SPICE1: variants seen among roughly 807,000 people sequenced by gnomAD.
SPICE1 encodes the protein spindle and centriole-associated protein 1.
A neutral mutation model predicts 102.7 loss-of-function variants in SPICE1; 75 were observed. That is an observed-to-expected ratio of 0.73 (90% CI 0.61 to 0.88). The LOEUF is 0.88. SPICE1 is among the 40% of genes least tolerant of loss of function. The pLI is 0.00. For missense variants in SPICE1, 979 were observed against 1,020.1 expected, an observed-to-expected ratio of 0.96 and a Z score of 0.55; for synonymous variants, 308 against 350.3, an observed-to-expected ratio of 0.88 and a Z score of 1.35.
At chr3:113,506,643 G>T (rs1206583907) in intron 1 of SPICE1, 38 bp from the exon 2 acceptor site, 1 of 1,471,580 alleles carries the variant, frequency 6.8e-7, no homozygotes, top group South Asian at 1.3e-5. Context: ...TAAAATACAA[G>T]AAAAAACAAT....
At chr3:113,453,321 T>C (rs1294113087) in intron 14 of SPICE1, 145 bp downstream of exon 14, 6 of 850,188 alleles carry the variant, frequency 7.1e-6, no homozygotes, top group South Asian at 5.7e-5. Flanking sequence ...CTTGGACCTA[T>C]TGTATTGAGG....
intron 7 of SPICE1, among the ~76,000 whole-genome samples, chr3:113,485,363 G>A (rs1043792655): frequency 6.6e-6 from 1 of 152,104 alleles, no homozygotes; most frequent in African/African-American, 2.4e-5. Context: ...GCAGCAATCT[G>A]AGATCAACCT....
chr3:113,502,796 G>A (rs1184614372), intron 3 of SPICE1, among the ~76,000 whole-genome samples: 1 of 151,910 alleles, frequency 6.6e-6, no homozygotes, highest in African/African-American at 2.4e-5. Flanking sequence ...GTAAGGAATG[G>A]GGGCTCAGAC....
intron 3 of SPICE1, among the ~76,000 whole-genome samples, chr3:113,500,665 T>A (rs1404200995): frequency 6.6e-6 from 1 of 152,192 alleles, no homozygotes; most frequent in Non-Finnish European, 1.5e-5. Context: ...TTAATAACTA[T>A]CCTATCTGGG....
chr3:113,502,404 G>A (rs1937025630), intron 3 of SPICE1, among the ~76,000 whole-genome samples: 1 of 152,100 alleles, frequency 6.6e-6, no homozygotes, highest in Admixed American at 6.6e-5. Flanking sequence ...GCCACGTGTT[G>A]TATTCCGCAT....
intron 2 of SPICE1, among the ~76,000 whole-genome samples, chr3:113,505,604 T>A (rs1406445338): frequency 6.6e-6 from 1 of 152,160 alleles, no homozygotes. Context: ...AAGTATCAGG[T>A]CACAAAAGAG....
intron 1 of SPICE1, among the ~76,000 whole-genome samples, chr3:113,511,914 A>G (rs1937229431): frequency 1.3e-5 from 2 of 152,246 alleles, no homozygotes; most frequent in South Asian, 4.1e-4. Flanking sequence ...CTGACTGTAA[A>G]GCACATGCTG....
At chr3:113,464,035 T>A (rs1352374540) in intron 11 of SPICE1, among the ~76,000 whole-genome samples, 1 of 151,210 alleles carries the variant, frequency 6.6e-6, no homozygotes, top group African/African-American at 2.4e-5. Context: ...GCCACTGCAC[T>A]CCAGCCTGGG....
intron 4 of SPICE1, among the ~76,000 whole-genome samples, chr3:113,497,707 C>CT (rs1165475734): frequency 0.052 from 4,767 of 91,338 alleles, 676 homozygotes; most frequent in African/African-American, 0.19. Flanking sequence ...AGAAAGAGAG[C>CT]TTTTTTTTTT....
chr3:113,452,968 A>T (rs1425341425), intron 14 of SPICE1, among the ~76,000 whole-genome samples: 1 of 152,104 alleles, frequency 6.6e-6, no homozygotes, highest in African/African-American at 2.4e-5. Flanking sequence ...ACAGAGCAAG[A>T]CTCCGTCTCA....
At chr3:113,460,489 T>C (rs1935906056) in intron 12 of SPICE1, 128 bp downstream of exon 12, 8 of 1,427,428 alleles carry the variant, frequency 5.6e-6, no homozygotes, top group Non-Finnish European at 7.3e-6. Flanking sequence ...GCAACTGTAG[T>C]AGTGACAATA....
intron 7 of SPICE1, 22 bp downstream of exon 7, chr3:113,488,923 T>A: frequency 6.9e-7 from 1 of 1,446,230 alleles, no homozygotes; most frequent in Non-Finnish European, 9.7e-7. Flanking sequence ...GAGTTGTAAA[T>A]ATTTATGCCA....
chr3:113,464,483 T>C (rs1936006334), intron 11 of SPICE1, among the ~76,000 whole-genome samples: 1 of 152,136 alleles, frequency 6.6e-6, no homozygotes, highest in South Asian at 2.1e-4. Flanking sequence ...CTCAAACTCC[T>C]GGCCTCAAGT....
chr3:113,501,946 G>T (rs1193748600), intron 3 of SPICE1, among the ~76,000 whole-genome samples: 2 of 152,144 alleles, frequency 1.3e-5, no homozygotes, highest in Non-Finnish European at 2.9e-5. Flanking sequence ...ACAAAAACTT[G>T]TACATGAATG....
rs1239376810 is a variant in SPICE1 at position 113,499,490 on chromosome 3, C to A, written c.240G>T (p.Gln80His). 1 of 1,613,216 alleles carries A rather than the reference C, an allele frequency of 6.2e-7. No individual in the cohort carries two copies. The highest frequency in any genetic ancestry group is 8.5e-7 in the Non-Finnish European group (1 of 1,179,792). ...TCTCAAGATTTAAAGTTTCTGGTTT[C>A]TGCTTCCTCCATTTTCTCTTCAAAG... ...EKALKRKWRK[Q>H]KPETLNLEKR... Residue 80 changes from glutamine (Q) to histidine (H), a missense_variant, in exon 4 of 18, where the codon CAG becomes CAT. Gln to His is a conservative substitution (Grantham distance 24). Transcript: ENST00000295872.
At chr3:113,450,078 T>C in intron 15 of SPICE1, 1 of 492,740 alleles carries the variant, frequency 2.0e-6, no homozygotes, top group South Asian at 2.4e-5. Context: ...TGAATCCCAT[T>C]TAGATGTACG....
intron 7 of SPICE1, among the ~76,000 whole-genome samples, chr3:113,481,624 G>A (rs560296856): frequency 6.6e-6 from 1 of 151,690 alleles, no homozygotes; most frequent in African/African-American, 2.4e-5. Flanking sequence ...GTGTCCGTGT[G>A]TTCTCATTGT....
In SPICE1 at chr3:113,469,457, TATA is replaced by T. The variant is rs533100492; in HGVS notation, c.612-222_612-220del. 8.4e-3 allele frequency among the ~76,000 whole-genome samples: 1,238 copies of T among 146,584 alleles called. 20 individuals carry two copies. The highest frequency in any genetic ancestry group is 0.029 in the African/African-American group (1,168 of 40,618). On this transcript the variant is annotated intron_variant, in intron 7 of 17. Transcript: ENST00000295872. ...TTATATAATTAATTATATATAATTA[TATA>T]ATAATTACACATAATTATAAAATAT...
chr3:113,468,774 G>A lies in SPICE1; in HGVS notation c.877C>T (p.Leu293=). The A allele has an allele frequency of 6.2e-7, 1 of 1,612,512 alleles. No homozygotes were observed. Among genetic ancestry groups the A allele is most frequent in the Non-Finnish European group, 8.5e-7 (1 of 1,179,664 alleles). ...TAAGGGACTGAACCTTTATTTAACAGCTGTTTTTGCTTCCTTGAGTTCAGC... is the reference window on the plus strand; with the variant it reads ...TAAGGGACTGAACCTTTATTTAACAACTGTTTTTGCTTCCTTGAGTTCAGC... The part of the protein sequence containing the change: ...HVLNSRKQKQ[L]LNKVKRKPNL... The change falls in exon 9 of 18, where the codon CTG becomes TTG. Residue 293 remains leucine, a synonymous_variant. Coordinates refer to ENST00000295872, the MANE Select transcript of SPICE1 (RefSeq NM_144718.4).
Sources: gnomAD v4.1 joint callset for allele counts (sites outside exome capture counted in the v4.1 genomes callset) on GRCh38, gnomAD v4.1.1 for gene constraint, MANE v1.5 for transcripts, NCBI Gene and HGNC (gene_info 2026-07-23, HGNC 2026-07-21) for gene names.